The following STARD8 variants were observed in gnomAD, a reference collection of about 807,000 sequenced individuals.
The protein encoded by STARD8 is stAR-related lipid transfer protein 8.
In STARD8, 25 loss-of-function variants were observed where a neutral mutation model predicts 69.4. The observed-to-expected ratio is 0.36, with a 90% CI of 0.26 to 0.50. The LOEUF is 0.50. STARD8 is among the 20% of genes least tolerant of loss of function. STARD8 has a pLI of 0.96. For missense variants in STARD8, 921 were observed against 932.5 expected (o/e 0.99, Z 0.16); for synonymous variants, 389 against 374.6 (o/e 1.04, Z -0.45).
chrX:68,686,308 A>G (rs752888309), intron 2 of STARD8, among the ~76,000 whole-genome samples: 108 of 112,323 alleles, frequency 9.6e-4, no homozygotes, highest in African/African-American at 3.4e-3. Context: ...TCATCCGCTC[A>G]GCCCCTCCCT....
intron 2 of STARD8, among the ~76,000 whole-genome samples, chrX:68,703,039 C>A (rs2079978071): frequency 9.0e-6 from 1 of 111,230 alleles, no homozygotes; most frequent in Non-Finnish European, 1.9e-5. Flanking sequence ...ATTGCCTGAG[C>A]CAAGGAGTTT....
chrX:68,669,341 G>A (rs1264520541), intron 2 of STARD8, among the ~76,000 whole-genome samples: 1 of 111,411 alleles, frequency 9.0e-6, no homozygotes, highest in African/African-American at 3.3e-5. Context: ...TCCCTCTCTG[G>A]GCCTTAGTGT....
intron 2 of STARD8, among the ~76,000 whole-genome samples, chrX:68,668,099 TTCTTTCTTTCTTTCTG>T (rs1473971802): frequency 1.2e-3 from 122 of 98,607 alleles, no homozygotes; most frequent in African/African-American, 4.3e-3. Flanking sequence ...CTTTCTTTCT[TTCTTTCTTTCTTTCTG>T]TCTTTCTTTC....
In STARD8 at chrX:68,721,602, G is replaced by A. The variant is rs1182075110; in HGVS notation, c.2315G>A (p.Arg772Gln). 1.7e-6 allele frequency: 2 copies of A among 1,212,039 alleles called. No homozygotes were observed. Among genetic ancestry groups the A allele is most frequent in the East Asian group, 5.9e-5 (2 of 33,844 alleles). The change falls in exon 10 of 15, where the codon CGA (arginine) becomes CAA (glutamine). Residue 772 changes from arginine to glutamine, a missense_variant. Coordinates refer to ENST00000374599, the MANE Select transcript of STARD8 (RefSeq NM_001142503.3). ...AATLLLPDEN[R>Q]EVLQTLLYFL... ...ACCTTGCTGCTCCCCGATGAGAACCGAGAGGTGCTACAGACCCTGCTCTAC... is the reference window on the plus strand; with the variant it reads ...ACCTTGCTGCTCCCCGATGAGAACCAAGAGGTGCTACAGACCCTGCTCTAC...
intron 1 of STARD8, among the ~76,000 whole-genome samples, chrX:68,653,146 C>T (rs1177467774): frequency 4.2e-5 from 1 of 23,734 alleles, no homozygotes; most frequent in African/African-American, 1.6e-4. Flanking sequence ...ACACCACACA[C>T]ACCACACCAA....
chrX:68,724,711 G>A lies in STARD8; in HGVS notation c.*289G>A. ...GCAAGACTGCTGCCACCAGCCACCT[G>A]CTTGTGAGGCCGCCACTTGGCATGA... is the stretch of plus-strand genomic sequence containing the variant. On this transcript the variant is annotated 3_prime_UTR_variant, in exon 15 of 15. Transcript: ENST00000374599. 2 of 239,997 alleles carry A rather than the reference G, an allele frequency of 8.3e-6. No individual in the cohort carries two copies. Among genetic ancestry groups the A allele is most frequent in the Non-Finnish European group, 1.5e-5 (2 of 134,727 alleles). 19.8% of individuals were successfully genotyped at this position (239,997 alleles called of 1,213,427 possible).
chrX:68,719,506 AG>A, intron 7 of STARD8, 108 bp downstream of exon 7: 1 of 910,226 alleles, frequency 1.1e-6, no homozygotes, highest in East Asian at 3.7e-5. Context: ...CCCACAGGCC[AG>A]GGGAGCGGTG....
At chrX:68,679,981 C>T (rs939667960) in intron 2 of STARD8, among the ~76,000 whole-genome samples, 2 of 111,962 alleles carry the variant, frequency 1.8e-5, no homozygotes, top group African/African-American at 3.2e-5. Context: ...GTATGTGCAC[C>T]CCTATCTGTT....
At chrX:68,698,005 T>C (rs1191022380) in intron 2 of STARD8, among the ~76,000 whole-genome samples, 1 of 112,149 alleles carries the variant, frequency 8.9e-6, no homozygotes, top group African/African-American at 3.2e-5. Context: ...TGGAAAGTCA[T>C]CTCTAGGGGA....
Position 68,647,796 on chromosome X carries a change from C to CG in STARD8, c.-84dup. The CG allele has an allele frequency of 9.0e-7, 1 of 1,112,983 alleles. No homozygotes were observed. The highest frequency in any genetic ancestry group is 2.7e-5 in the Admixed American group (1 of 37,571). The allele number at this position is 1,112,983 out of a possible 1,213,427, so 91.7% of individuals were successfully genotyped here. ...GACCGGGCTGGCTCTCGCCGAGCCC[C>CG]GGGCCTCTTTTAGCCTCGTCCCCAG... On this transcript the variant is annotated 5_prime_UTR_variant, in exon 1 of 15. An upstream open reading frame in the 5' UTR loses its in-frame stop. Coordinates refer to ENST00000374599, the MANE Select transcript of STARD8 (RefSeq NM_001142503.3).
chrX:68,670,834 G>A (rs774562635), intron 2 of STARD8, among the ~76,000 whole-genome samples: 6 of 111,649 alleles, frequency 5.4e-5, no homozygotes, highest in Admixed American at 4.7e-4. Flanking sequence ...CAAGAGTCAC[G>A]GGCGTTACCT....
intron 2 of STARD8, among the ~76,000 whole-genome samples, chrX:68,676,410 T>C (rs2079765705): frequency 8.9e-6 from 1 of 112,508 alleles, no homozygotes; most frequent in East Asian, 2.8e-4. Flanking sequence ...CAGGAAATCC[T>C]ACCCACTATA....
chrX:68,668,103 T>G (rs188398882), intron 2 of STARD8, among the ~76,000 whole-genome samples: 1,902 of 101,823 alleles, frequency 0.019, 43 homozygotes, highest in African/African-American at 0.068. Flanking sequence ...CTTTCTTTCT[T>G]TCTTTCTTTC....
intron 2 of STARD8, among the ~76,000 whole-genome samples, chrX:68,710,223 T>G (rs1491001518): frequency 8.9e-6 from 1 of 112,484 alleles, no homozygotes; most frequent in East Asian, 2.8e-4. Flanking sequence ...ATACTGTAAC[T>G]TTTAAAAAAT....
intron 2 of STARD8, among the ~76,000 whole-genome samples, chrX:68,704,455 G>A (rs190856796): frequency 2.7e-4 from 30 of 111,326 alleles, no homozygotes; most frequent in Non-Finnish European, 4.1e-4. Context: ...GGAAGAAGCA[G>A]CTGGCAGGAT....
chrX:68,719,194 C>T, intron 6 of STARD8, 31 bp from the exon 7 acceptor site: 2 of 1,147,267 alleles, frequency 1.7e-6, no homozygotes, highest in Non-Finnish European at 1.2e-6. Flanking sequence ...CTCCTCTGGG[C>T]TTCTCCACCC....
chrX:68,708,314 A>G (rs965854020), intron 2 of STARD8, among the ~76,000 whole-genome samples: 1 of 112,387 alleles, frequency 8.9e-6, no homozygotes, highest in African/African-American at 3.2e-5. Context: ...TTTGGGCATT[A>G]TTGCATCTCC....
At chrX:68,711,702 TC>T (rs1220913966) in intron 2 of STARD8, among the ~76,000 whole-genome samples, 1 of 112,651 alleles carries the variant, frequency 8.9e-6, no homozygotes, top group Non-Finnish European at 1.9e-5. Flanking sequence ...CACTAGGATT[TC>T]ATCCTGGGTT....
chrX:68,698,367 C>G (rs1276405492), intron 2 of STARD8, among the ~76,000 whole-genome samples: 1 of 111,407 alleles, frequency 9.0e-6, no homozygotes, highest in African/African-American at 3.3e-5. Context: ...AATGCCCACC[C>G]AAAGGGTCTG....
Sources: allele counts gnomAD v4.1 joint callset (sites outside exome capture counted in the v4.1 genomes callset), GRCh38; gene constraint gnomAD v4.1.1; transcripts MANE v1.5; gene names NCBI Gene and HGNC (gene_info 2026-07-23, HGNC 2026-07-21).